The following CBFA2T2 variants were observed in gnomAD, a reference collection of about 807,000 sequenced individuals.
The protein encoded by CBFA2T2 is protein CBFA2T2.
Under a neutral mutation model 62.2 loss-of-function variants are expected in CBFA2T2, and 11 were observed. That is an observed-to-expected ratio of 0.18 (90% CI 0.11 to 0.29). The LOEUF (loss-of-function observed/expected upper bound fraction) is 0.29, where lower values mean the gene tolerates loss of function less well. Among genes scored for constraint, CBFA2T2 ranks in the 10% least tolerant of loss-of-function variants. The pLI is 1.00. For synonymous variants in CBFA2T2, 295 were observed against 287.5 expected (o/e 1.03, Z -0.27); for missense variants, 592 against 774.1 (o/e 0.76, Z 2.79).
At chr20:33,531,015 G>T (rs536648714) in intron 1 of CBFA2T2, among the ~76,000 whole-genome samples, 1 of 151,976 alleles carries the variant, frequency 6.6e-6, no homozygotes, top group Admixed American at 6.6e-5. Context: ...CCTAGGAGGC[G>T]GAGGTTGCAG....
At chr20:33,574,006 C>T in intron 1 of CBFA2T2, 2 of 866,442 alleles carry the variant, frequency 2.3e-6, no homozygotes, top group South Asian at 2.4e-5. Flanking sequence ...CCAGGTGGGT[C>T]TCAAACTCCT....
Position 33,556,685 on chromosome 20 carries a change from T to C in CBFA2T2, c.35-50271T>C, listed in dbSNP as rs565839187. ...CCTGGCCTAAAGTGATTGTTCCACC[T>C]TGACCTCCCAGAGTGCTGACATTAT... is the stretch of plus-strand genomic sequence containing the variant. On this transcript the variant is annotated intron_variant, in intron 1 of 10. Transcript: ENST00000342704. Among the ~76,000 whole-genome samples, 59 of 152,280 alleles carry C rather than the reference T, an allele frequency of 3.9e-4. 1 individual carries two copies. Among genetic ancestry groups the C allele is most frequent in the Non-Finnish European group, 7.6e-4 (52 of 68,030 alleles).
chr20:33,507,518 A>G (rs2011424884), intron 1 of CBFA2T2, among the ~76,000 whole-genome samples: 1 of 152,208 alleles, frequency 6.6e-6, no homozygotes, highest in African/African-American at 2.4e-5. Flanking sequence ...AACATTTGAA[A>G]CGAACAAAGA....
chr20:33,535,582 C>A (rs989447882), intron 1 of CBFA2T2, among the ~76,000 whole-genome samples: 2 of 147,948 alleles, frequency 1.4e-5, no homozygotes, highest in African/African-American at 5.1e-5. Context: ...GGCAGGAAGT[C>A]TGGGCATGGA....
intron 8 of CBFA2T2, among the ~76,000 whole-genome samples, chr20:33,632,187 G>A (rs1208751638): frequency 6.6e-6 from 1 of 152,054 alleles, no homozygotes; most frequent in Non-Finnish European, 1.5e-5. Flanking sequence ...GGGATTACAG[G>A]CACCTGCCAC....
At position 33,608,639 on chromosome 20, in the gene CBFA2T2, T is replaced by G. The variant is rs569003253; in HGVS notation, c.178+1540T>G. Among the ~76,000 whole-genome samples the G allele has an allele frequency of 1.4e-4, 22 of 152,308 alleles. No homozygotes were observed. The South Asian group carries it at 4.6e-3, about 32-fold the overall frequency. On this transcript the variant is annotated intron_variant, in intron 2 of 10. Coordinates refer to ENST00000342704, the MANE Select transcript of CBFA2T2 (RefSeq NM_001032999.3). ...ATACTATCTTGAAAAGAAACAGATTTAAACCTCAGCCATCAATCAGATTTC... is the reference window on the plus strand; with the variant it reads ...ATACTATCTTGAAAAGAAACAGATTGAAACCTCAGCCATCAATCAGATTTC...
intron 3 of CBFA2T2, among the ~76,000 whole-genome samples, chr20:33,616,925 C>T (rs2015733344): frequency 1.3e-5 from 2 of 152,168 alleles, no homozygotes; most frequent in African/African-American, 4.8e-5. Context: ...AAATCCTTGT[C>T]CCCCTAAGTT....
chr20:33,614,088 C>G (rs2015619310), intron 3 of CBFA2T2, among the ~76,000 whole-genome samples: 1 of 149,350 alleles, frequency 6.7e-6, no homozygotes, highest in Admixed American at 6.7e-5. Flanking sequence ...GCACTCCAGC[C>G]TGGGCAACAG....
At chr20:33,607,799 A>G (rs969941925) in intron 2 of CBFA2T2, among the ~76,000 whole-genome samples, 5 of 152,192 alleles carry the variant, frequency 3.3e-5, no homozygotes, top group African/African-American at 1.2e-4. Flanking sequence ...ATATAGTCCT[A>G]TTCTGAGGTA....
intron 1 of CBFA2T2, among the ~76,000 whole-genome samples, chr20:33,568,157 A>G (rs901900074): frequency 6.6e-6 from 1 of 152,244 alleles, no homozygotes; most frequent in African/African-American, 2.4e-5. Flanking sequence ...CAGCTGTAAA[A>G]TGGGAATAAA....
chr20:33,589,086 G>GT (rs1568836897), intron 1 of CBFA2T2, among the ~76,000 whole-genome samples: 1 of 152,126 alleles, frequency 6.6e-6, no homozygotes, highest in Admixed American at 6.6e-5. Context: ...CAAGTTTGTG[G>GT]TAAGTAGAAA....
At chr20:33,640,667 A>G in intron 10 of CBFA2T2, 136 bp downstream of exon 10, 1 of 739,550 alleles carries the variant, frequency 1.4e-6, no homozygotes, top group Non-Finnish European at 2.2e-6. Flanking sequence ...ATCCAGTGCC[A>G]GGAGAGTTTT....
rs11475752 is a variant in CBFA2T2, at chr20:33,591,467, CAA to C, written c.35-15472_35-15471del. On this transcript the variant is annotated intron_variant, in intron 1 of 10. Coordinates refer to ENST00000342704, the MANE Select transcript of CBFA2T2 (RefSeq NM_001032999.3). ...CCAGCCTGAGCAACAGAGTAAATCT[CAA>C]AAAAAAAAAAAAAAAAGAAAAAAAT... Among the ~76,000 whole-genome samples the C allele has an allele frequency of 1.8e-3, 178 of 98,074 alleles. No homozygotes were observed. In the South Asian group the frequency reaches 0.026, roughly 15 times the overall value. 64.3% of individuals were successfully genotyped at this position (98,074 alleles called of 152,430 possible). A position where few individuals can be genotyped will look rare whatever the true frequency, so the allele number is the denominator to read the frequency against.
chr20:33,605,687 TA>T (rs1413751310), intron 1 of CBFA2T2, among the ~76,000 whole-genome samples: 1 of 152,222 alleles, frequency 6.6e-6, no homozygotes, highest in Non-Finnish European at 1.5e-5. Context: ...GACTCAGCTC[TA>T]CTTTTCATCT....
intron 8 of CBFA2T2, among the ~76,000 whole-genome samples, chr20:33,634,893 A>C (rs922890015): frequency 1.3e-5 from 2 of 152,122 alleles, no homozygotes; most frequent in African/African-American, 2.4e-5. Flanking sequence ...AATAAACAGA[A>C]ATGGGAATTA....
In CBFA2T2 at chr20:33,642,180, C is replaced by T. The variant is rs764152838; in HGVS notation, c.1488+1649C>T. 1.8e-3 allele frequency among the ~76,000 whole-genome samples: 267 copies of T among 149,274 alleles called. 3 individuals carry two copies. The highest frequency in any genetic ancestry group is 1.5e-3 in the Non-Finnish European group (100 of 67,468). The stretch of plus-strand genomic sequence containing the variant: ...TGTGTGTGTGGATAACAGGGTCTCA[C>T]TATATTGCCCAGGCAGGTCTTGAAC... On this transcript the variant is annotated intron_variant, in intron 10 of 10. Transcript: ENST00000342704.
chr20:33,585,003 G>A (rs2146918527), intron 1 of CBFA2T2, among the ~76,000 whole-genome samples: 1 of 152,236 alleles, frequency 6.6e-6, no homozygotes, highest in East Asian at 1.9e-4. Context: ...GATGGAGAAG[G>A]GCTGGGGTTT....
intron 1 of CBFA2T2, among the ~76,000 whole-genome samples, chr20:33,573,740 A>G (rs994747711): frequency 1.3e-5 from 2 of 151,844 alleles, no homozygotes; most frequent in African/African-American, 4.8e-5. Flanking sequence ...TCAGCCTCCC[A>G]AAGTGCTAGG....
rs200931091 is a variant in CBFA2T2, at chr20:33,627,459, G to T, written c.947-891G>T. On this transcript the variant is annotated intron_variant, in intron 6 of 10. Transcript: ENST00000342704. ...GCACAGTGGGGGAAAAAACTGGCTTGCTAATTAATGGTTTCTTCTGGACCT... is the reference window on the plus strand; with the variant it reads ...GCACAGTGGGGGAAAAAACTGGCTTTCTAATTAATGGTTTCTTCTGGACCT... Among the ~76,000 whole-genome samples the T allele has an allele frequency of 2.6e-5, 4 of 152,114 alleles. No individual in the cohort carries two copies. The East Asian group carries it at 7.7e-4, about 29-fold the overall frequency.
Sources: allele counts gnomAD v4.1 joint callset (sites outside exome capture counted in the v4.1 genomes callset), GRCh38; gene constraint gnomAD v4.1.1; transcripts MANE v1.5; gene names NCBI Gene and HGNC (gene_info 2026-07-23, HGNC 2026-07-21).